Variants in DROSHA observed in about 807,000 individuals in gnomAD.
DROSHA encodes ribonuclease 3.
DROSHA carries 56 observed loss-of-function variants against 181.9 expected under a neutral mutation model. The ratio of observed to expected loss-of-function variants is 0.31; its 90% CI spans 0.25 to 0.38. DROSHA has a LOEUF of 0.38. DROSHA is among the 10% of genes least tolerant of loss of function. The pLI is 1.00. For missense variants in DROSHA, 1,218 were observed against 1,743.5 expected, an observed-to-expected ratio of 0.70 and a Z score of 5.37; for synonymous variants, 524 against 591.2, an observed-to-expected ratio of 0.89 and a Z score of 1.65.
intron 23 of DROSHA, among the ~76,000 whole-genome samples, chr5:31,439,413 T>C (rs1303062045): frequency 6.6e-6 from 1 of 152,162 alleles, no homozygotes; most frequent in Non-Finnish European, 1.5e-5. Context: ...GTCATCCTTA[T>C]TTTACTTAAT....
chr5:31,522,089 A>C (rs1330747991), intron 5 of DROSHA, among the ~76,000 whole-genome samples: 1 of 152,244 alleles, frequency 6.6e-6, no homozygotes, highest in Non-Finnish European at 1.5e-5. Context: ...TTGAAAATAG[A>C]ACTTACAAAA....
intron 11 of DROSHA, among the ~76,000 whole-genome samples, chr5:31,498,501 G>A (rs1019377482): frequency 3.3e-5 from 5 of 152,152 alleles, no homozygotes; most frequent in Admixed American, 6.5e-5. Flanking sequence ...AGTAAAAATC[G>A]AAAAGGTCAG....
In DROSHA at chr5:31,484,364, G is replaced by C. The variant is rs537184698; in HGVS notation, c.1996+517C>G. Among the ~76,000 whole-genome samples, 17 of 100,682 alleles carry C rather than the reference G, an allele frequency of 1.7e-4. No individual in the cohort carries two copies. The South Asian group carries it at 4.9e-3, about 29-fold the overall frequency. 66.1% of individuals were successfully genotyped at this position (100,682 alleles called of 152,430 possible). On this transcript the variant is annotated intron_variant, in intron 15 of 35. Coordinates refer to ENST00000344624, the MANE Select transcript of DROSHA (RefSeq NM_001382508.1). ...AGTCCGCAGTCCGGCCTGGGCGACA[G>C]AGCGAGACTCCGTCTCAAAAAAAAA...
intron 30 of DROSHA, among the ~76,000 whole-genome samples, chr5:31,418,577 G>A (rs532360133): frequency 1.5e-4 from 23 of 152,100 alleles, no homozygotes; most frequent in Admixed American, 3.3e-4. Flanking sequence ...CCCTTGTAAC[G>A]TATCAATAGT....
At chr5:31,474,576 C>CATTATAAGCTTATAA (rs1750146217) in intron 16 of DROSHA, among the ~76,000 whole-genome samples, 1 of 152,088 alleles carries the variant, frequency 6.6e-6, no homozygotes, top group Non-Finnish European at 1.5e-5. Flanking sequence ...GTTGCCCAGG[C>CATTATAAGCTTATAA]TGTTCTCCAA....
intron 11 of DROSHA, among the ~76,000 whole-genome samples, chr5:31,500,298 A>G (rs1753447795): frequency 6.6e-6 from 1 of 152,268 alleles, no homozygotes; most frequent in African/African-American, 2.4e-5. Context: ...GGCAACAGCC[A>G]GAGAAGTCTG....
chr5:31,408,258 C>T (rs556609750), intron 33 of DROSHA, among the ~76,000 whole-genome samples: 3 of 152,254 alleles, frequency 2.0e-5, no homozygotes, highest in East Asian at 3.9e-4. Flanking sequence ...TGCTTGCAAC[C>T]GTGTATGCAT....
chr5:31,449,039 A>C (rs1746646806), intron 22 of DROSHA, among the ~76,000 whole-genome samples: 1 of 152,012 alleles, frequency 6.6e-6, no homozygotes, highest in Admixed American at 6.6e-5. Context: ...GGAGGCTAAC[A>C]CAGGAGAATC....
At chr5:31,491,940 G>A (rs1302404893) in intron 13 of DROSHA, among the ~76,000 whole-genome samples, 6 of 152,022 alleles carry the variant, frequency 3.9e-5, no homozygotes, top group Non-Finnish European at 7.4e-5. Context: ...GTTTACAGAC[G>A]CACACCACCA....
At position 31,508,759 on chromosome 5, in the gene DROSHA, G is replaced by A. The variant is rs373851789; in HGVS notation, c.1449C>T (p.Ser483=). The part of the protein sequence containing the change: ...LDEDLESSSE[S]ECESDEDSTC... ...TGCTGTCCTCATCAGACTCACACTC[G>A]GATTCACTGGAACTCTCTAACAGGG... Residue 483 remains serine, a synonymous_variant, in exon 10 of 36, where the codon TCC becomes TCT. Coordinates refer to ENST00000344624, the MANE Select transcript of DROSHA (RefSeq NM_001382508.1). 16 of 1,613,374 alleles carry A rather than the reference G, an allele frequency of 9.9e-6. No homozygotes were observed. The African/African-American group carries it at 1.7e-4, about 18-fold the overall frequency.
At chr5:31,518,394 T>C (rs1739502901) in intron 6 of DROSHA, among the ~76,000 whole-genome samples, 1 of 152,228 alleles carries the variant, frequency 6.6e-6, no homozygotes, top group African/African-American at 2.4e-5. Flanking sequence ...TACATCACCT[T>C]CTTTGTCATC....
intron 35 of DROSHA, among the ~76,000 whole-genome samples, chr5:31,402,256 C>T (rs1480668777): frequency 6.6e-6 from 1 of 152,118 alleles, no homozygotes. Context: ...CATTTGTTTG[C>T]TTTAAGGACA....
intron 24 of DROSHA, 83 bp from the exon 25 acceptor site, chr5:31,435,947 C>T: frequency 8.0e-7 from 1 of 1,244,032 alleles, no homozygotes; most frequent in Non-Finnish European, 1.1e-6. Context: ...ACAGGGCTGG[C>T]ACACAGTAGC....
intron 22 of DROSHA, 143 bp downstream of exon 22, chr5:31,449,134 CAAAA>C (rs371567874): frequency 6.5e-4 from 605 of 924,502 alleles, no homozygotes; most frequent in South Asian, 1.1e-3. Context: ...GACCCTGTCT[CAAAA>C]AAAAAAAAAA....
At chr5:31,462,068 A>G (rs1748470755) in intron 20 of DROSHA, among the ~76,000 whole-genome samples, 1 of 152,084 alleles carries the variant, frequency 6.6e-6, no homozygotes, top group African/African-American at 2.4e-5. Flanking sequence ...CTCAGCCCCC[A>G]TGTTGCCACT....
intron 20 of DROSHA, among the ~76,000 whole-genome samples, chr5:31,453,436 A>G (rs1747264557): frequency 1.3e-5 from 2 of 152,160 alleles, no homozygotes; most frequent in African/African-American, 4.8e-5. Flanking sequence ...TCCTGGGCTC[A>G]AGGGATCAGC....
intron 27 of DROSHA, among the ~76,000 whole-genome samples, chr5:31,427,674 C>G (rs1743652633): frequency 6.6e-6 from 1 of 152,182 alleles, no homozygotes; most frequent in African/African-American, 2.4e-5. Flanking sequence ...TCAGCACCAG[C>G]CCAGGCCTCA....
intron 16 of DROSHA, among the ~76,000 whole-genome samples, chr5:31,480,667 T>G (rs1750927168): frequency 6.6e-6 from 1 of 152,184 alleles, no homozygotes; most frequent in Non-Finnish European, 1.5e-5. Context: ...CACTCACTAG[T>G]AACCAAAAAC....
intron 27 of DROSHA, among the ~76,000 whole-genome samples, chr5:31,426,840 G>C (rs766001743): frequency 3.1e-4 from 47 of 152,146 alleles, no homozygotes; most frequent in Admixed American, 4.6e-4. Flanking sequence ...ATGAATGATG[G>C]ACTGGAGCGG....
Sources: allele counts gnomAD v4.1 joint callset (sites outside exome capture counted in the v4.1 genomes callset), GRCh38; gene constraint gnomAD v4.1.1; transcripts MANE v1.5; gene names NCBI Gene and HGNC (gene_info 2026-07-23, HGNC 2026-07-21).